Variants in PHACTR1 observed in about 807,000 individuals in gnomAD.
PHACTR1 encodes the protein RPEL repeat containing 1.
PHACTR1 carries 16 observed loss-of-function variants against 69.2 expected under a neutral mutation model. The observed-to-expected ratio is 0.23, with a 90% CI of 0.16 to 0.35. The LOEUF is 0.35. PHACTR1 is among the 10% of genes least tolerant of loss of function. The pLI, the probability that PHACTR1 is intolerant of heterozygous loss-of-function variation, is 1.00. For synonymous variants in PHACTR1, 312 were observed against 284.5 expected (o/e 1.10, Z -0.97); for missense variants, 510 against 734.7 (o/e 0.69, Z 3.54).
At chr6:12,758,630 A>T (rs1189427802) in intron 4 of PHACTR1, among the ~76,000 whole-genome samples, 1 of 152,046 alleles carries the variant, frequency 6.6e-6, no homozygotes, top group Non-Finnish European at 1.5e-5. Context: ...TAGTGAAGGT[A>T]CTACAGCTAA....
At chr6:12,905,539 CTAG>C (rs2127488310) in intron 4 of PHACTR1, among the ~76,000 whole-genome samples, 1 of 152,172 alleles carries the variant, frequency 6.6e-6, no homozygotes, top group South Asian at 2.1e-4. Flanking sequence ...CATTTCCGGT[CTAG>C]TGAAGGAGAT....
intron 7 of PHACTR1, among the ~76,000 whole-genome samples, chr6:13,189,555 C>T (rs1252715206): frequency 1.3e-5 from 2 of 151,960 alleles, no homozygotes; most frequent in African/African-American, 2.4e-5. Context: ...CATGCCACCA[C>T]GCCTGGCTAA....
chr6:12,735,313 A>G (rs1193193619), intron 3 of PHACTR1, among the ~76,000 whole-genome samples: 1 of 152,218 alleles, frequency 6.6e-6, no homozygotes, highest in Non-Finnish European at 1.5e-5. Flanking sequence ...ACCTAACCTC[A>G]GAAGTGATAT....
chr6:12,821,471 A>G (rs77178030), intron 4 of PHACTR1, among the ~76,000 whole-genome samples: 1,533 of 104,354 alleles, frequency 0.015, 26 homozygotes, highest in African/African-American at 0.05. Flanking sequence ...TCAAAAAAAA[A>G]AAAAAAAAAA....
intron 5 of PHACTR1, among the ~76,000 whole-genome samples, chr6:13,125,738 G>C (rs1819428174): frequency 6.6e-6 from 1 of 152,088 alleles, no homozygotes. Context: ...AGACCAGCCT[G>C]GGCAACATGG....
At chr6:13,055,308 C>T (rs867640316) in intron 5 of PHACTR1, among the ~76,000 whole-genome samples, 3 of 152,110 alleles carry the variant, frequency 2.0e-5, no homozygotes, top group Admixed American at 6.5e-5. Flanking sequence ...TAAGGTGTCG[C>T]AAAACCTGTA....
At chr6:13,166,099 C>T (rs1384054172) in intron 6 of PHACTR1, among the ~76,000 whole-genome samples, 1 of 152,214 alleles carries the variant, frequency 6.6e-6, no homozygotes, top group African/African-American at 2.4e-5. Flanking sequence ...TCGAGGTTTG[C>T]GTTGGCTGCG....
At chr6:12,814,537 A>G (rs774015871) in intron 4 of PHACTR1, among the ~76,000 whole-genome samples, 1 of 152,146 alleles carries the variant, frequency 6.6e-6, no homozygotes, top group Non-Finnish European at 1.5e-5. Context: ...GGTTTTGCCT[A>G]GTTTTGTGTG....
intron 6 of PHACTR1, among the ~76,000 whole-genome samples, chr6:13,171,283 C>T (rs965245631): frequency 2.0e-5 from 3 of 152,128 alleles, no homozygotes; most frequent in Non-Finnish European, 4.4e-5. Context: ...AGGGCTCCCA[C>T]TGTCCATGTG....
chr6:13,043,196 G>A (rs1804460287), intron 4 of PHACTR1, among the ~76,000 whole-genome samples: 1 of 152,222 alleles, frequency 6.6e-6, no homozygotes, highest in Non-Finnish European at 1.5e-5. Flanking sequence ...AGAGGCCGAG[G>A]TGGGTGGATC....
At chr6:13,268,416 C>T (rs1460987913) in intron 10 of PHACTR1, among the ~76,000 whole-genome samples, 1 of 152,152 alleles carries the variant, frequency 6.6e-6, no homozygotes, top group East Asian at 1.9e-4. Flanking sequence ...ACAAGATGTC[C>T]ACATCCTCAT....
At chr6:13,093,860 G>A (rs549341624) in intron 5 of PHACTR1, among the ~76,000 whole-genome samples, 1 of 152,198 alleles carries the variant, frequency 6.6e-6, no homozygotes, top group East Asian at 1.9e-4. Context: ...CTTTCACCAA[G>A]GTCAGATATT....
At chr6:13,015,825 C>G (rs1800101101) in intron 4 of PHACTR1, among the ~76,000 whole-genome samples, 1 of 152,194 alleles carries the variant, frequency 6.6e-6, no homozygotes, top group Admixed American at 6.5e-5. Flanking sequence ...TCACACACTT[C>G]CAAAAAGCTA....
chr6:12,877,244 G>A (rs553535075), intron 4 of PHACTR1, among the ~76,000 whole-genome samples: 1 of 152,312 alleles, frequency 6.6e-6, no homozygotes, highest in East Asian at 1.9e-4. Flanking sequence ...CGCTGAAAGG[G>A]TTGCAGTAGA....
intron 4 of PHACTR1, among the ~76,000 whole-genome samples, chr6:12,952,714 C>T (rs1369604492): frequency 6.6e-6 from 1 of 152,148 alleles, no homozygotes; most frequent in African/African-American, 2.4e-5. Flanking sequence ...GTTTTCAACT[C>T]CTTTGTGTAG....
intron 4 of PHACTR1, among the ~76,000 whole-genome samples, chr6:12,975,694 A>G (rs906075441): frequency 2.6e-5 from 4 of 151,968 alleles, no homozygotes; most frequent in African/African-American, 9.7e-5. Context: ...CAACCCTCCC[A>G]CCCCAGCCTC....
chr6:12,973,187 A>T (rs1339440136), intron 4 of PHACTR1, among the ~76,000 whole-genome samples: 2 of 152,196 alleles, frequency 1.3e-5, no homozygotes, highest in Admixed American at 1.3e-4. Context: ...CCCTTTGTTT[A>T]AAAGGAGTCT....
chr6:13,175,333 T>C (rs568010722), intron 6 of PHACTR1, among the ~76,000 whole-genome samples: 1 of 152,032 alleles, frequency 6.6e-6, no homozygotes, highest in South Asian at 2.1e-4. Flanking sequence ...CCAGCCCTCA[T>C]GCAGAGAATA....
At position 13,100,840 on chromosome 6, in the gene PHACTR1, A is replaced by G. The variant is rs145773877; in HGVS notation, c.415+47311A>G. Reference sequence around the variant, plus strand: ...GGCTAACATAATGCTGATAATAAGGAAAGGGTAAAGAGAAGAGGTGACCAG... The same window carrying G: ...GGCTAACATAATGCTGATAATAAGGGAAGGGTAAAGAGAAGAGGTGACCAG... On this transcript the variant is annotated intron_variant, in intron 5 of 14. Coordinates refer to ENST00000332995, the MANE Select transcript of PHACTR1 (RefSeq NM_030948.6). Among the ~76,000 whole-genome samples, 23 of 152,330 alleles carry G rather than the reference A, an allele frequency of 1.5e-4. No homozygotes were observed. The East Asian group carries it at 4.4e-3, about 29-fold the overall frequency.
Sources: gnomAD v4.1 joint callset for allele counts (sites outside exome capture counted in the v4.1 genomes callset) on GRCh38, gnomAD v4.1.1 for gene constraint, MANE v1.5 for transcripts, NCBI Gene and HGNC (gene_info 2026-07-23, HGNC 2026-07-21) for gene names.